The following CSMD3 variants were observed in gnomAD, a reference collection of about 807,000 sequenced individuals.
The protein encoded by CSMD3 is CUB and sushi domain-containing protein 3.
A neutral mutation model predicts 435.2 loss-of-function variants in CSMD3; 177 were observed. The observed-to-expected ratio is 0.41, with a 90% CI of 0.36 to 0.46. The LOEUF (loss-of-function observed/expected upper bound fraction) is 0.46. CSMD3 is among the 20% of genes least tolerant of loss of function. The pLI, the probability that CSMD3 is intolerant of heterozygous loss-of-function variation, is 0.34. For synonymous variants in CSMD3, 1,656 were observed against 1,520.5 expected, an observed-to-expected ratio of 1.09 and a Z score of -2.07; for missense variants, 4,265 against 4,504.6, an observed-to-expected ratio of 0.95 and a Z score of 1.52.
At chr8:112,411,310 A>G (rs893950977) in intron 32 of CSMD3, among the ~76,000 whole-genome samples, 1 of 151,876 alleles carries the variant, frequency 6.6e-6, no homozygotes, top group African/African-American at 2.4e-5. Context: ...AAGTGTTAAT[A>G]ATTTGTGCTT....
At chr8:112,342,713 C>T (rs891022686) in intron 41 of CSMD3, among the ~76,000 whole-genome samples, 2 of 151,794 alleles carry the variant, frequency 1.3e-5, no homozygotes, top group Non-Finnish European at 2.9e-5. Flanking sequence ...AAACGCGCAT[C>T]ATGTTACTAA....
intron 59 of CSMD3, among the ~76,000 whole-genome samples, chr8:112,273,646 A>G (rs1185469109): frequency 1.3e-5 from 2 of 151,354 alleles, no homozygotes; most frequent in Middle Eastern, 3.4e-3. Context: ...GAATGGCGTG[A>G]ACCCGGTAGG....
chr8:112,945,047 A>G (rs570655218), intron 9 of CSMD3, among the ~76,000 whole-genome samples: 1 of 151,812 alleles, frequency 6.6e-6, no homozygotes, highest in Admixed American at 6.6e-5. Flanking sequence ...TCTAAAATGT[A>G]CAACTTCAAA....
intron 1 of CSMD3, among the ~76,000 whole-genome samples, chr8:113,317,810 T>C (rs775826269): frequency 1.4e-4 from 21 of 152,236 alleles, no homozygotes; most frequent in Non-Finnish European, 2.5e-4. Flanking sequence ...ATTTTTCAAG[T>C]GATGTCAGTC....
intron 13 of CSMD3, among the ~76,000 whole-genome samples, chr8:112,705,648 C>CA (rs1039013008): frequency 2.0e-5 from 3 of 151,454 alleles, no homozygotes; most frequent in Non-Finnish European, 3.0e-5. Context: ...AAAAAAGATG[C>CA]AAGCCATAAT....
intron 1 of CSMD3, among the ~76,000 whole-genome samples, chr8:113,348,798 T>C (rs1170269414): frequency 6.6e-6 from 1 of 152,094 alleles, no homozygotes; most frequent in Non-Finnish European, 1.5e-5. Context: ...CCTCTTCTAT[T>C]TTAGGCTTAC....
intron 30 of CSMD3, among the ~76,000 whole-genome samples, chr8:112,499,025 T>C (rs1307516629): frequency 6.6e-6 from 1 of 152,124 alleles, no homozygotes; most frequent in East Asian, 1.9e-4. Context: ...ATAAAGGCTT[T>C]CCTCTTAAGA....
At chr8:112,974,699 T>C (rs567189140) in intron 7 of CSMD3, among the ~76,000 whole-genome samples, 5 of 151,948 alleles carry the variant, frequency 3.3e-5, no homozygotes, top group African/African-American at 1.2e-4. Flanking sequence ...ATGTGCCTCA[T>C]TAAAGAGAAT....
chr8:113,193,190 T>C (rs2092609725), intron 3 of CSMD3, among the ~76,000 whole-genome samples: 1 of 151,122 alleles, frequency 6.6e-6, no homozygotes, highest in South Asian at 2.1e-4. Flanking sequence ...CGTATTCGTA[T>C]TGTGCCTCTC....
intron 4 of CSMD3, among the ~76,000 whole-genome samples, chr8:113,170,623 G>A (rs1183510987): frequency 6.6e-6 from 1 of 152,108 alleles, no homozygotes; most frequent in Non-Finnish European, 1.5e-5. Context: ...TGCTATTAAA[G>A]CAATCATCAT....
At chr8:113,306,209 G>T (rs1034333820) in intron 2 of CSMD3, among the ~76,000 whole-genome samples, 15 of 151,982 alleles carry the variant, frequency 9.9e-5, no homozygotes, top group African/African-American at 3.6e-4. Flanking sequence ...AGCTATACAC[G>T]CAATCACTCT....
intron 11 of CSMD3, among the ~76,000 whole-genome samples, chr8:112,836,725 C>T (rs1363477869): frequency 1.3e-5 from 2 of 151,768 alleles, no homozygotes; most frequent in African/African-American, 4.8e-5. Flanking sequence ...GTGCGTGGGG[C>T]TTGCATGCTT....
chr8:112,956,203 C>T (rs1416750843), intron 7 of CSMD3, among the ~76,000 whole-genome samples: 3 of 151,986 alleles, frequency 2.0e-5, no homozygotes, highest in African/African-American at 7.2e-5. Flanking sequence ...TAGATGGCTT[C>T]TCTCTTTATA....
chr8:113,082,888 A>AGT (rs2089622263), intron 5 of CSMD3, among the ~76,000 whole-genome samples: 2 of 152,174 alleles, frequency 1.3e-5, no homozygotes, highest in African/African-American at 4.8e-5. Flanking sequence ...GTCTTTTGAA[A>AGT]TAACACACTC....
intron 10 of CSMD3, among the ~76,000 whole-genome samples, chr8:112,907,179 T>C (rs1281340926): frequency 2.6e-5 from 4 of 151,448 alleles, no homozygotes; most frequent in Admixed American, 6.6e-5. Flanking sequence ...AGGGTTTAGG[T>C]GGCACAGAAA....
rs1250819015 is a variant in CSMD3, at chr8:112,281,279, T to A, written c.9403A>T (p.Ser3135Cys). Residue 3135 changes from serine (S) to cysteine (C), a missense_variant, in exon 59 of 71, where the codon AGT becomes TGT. Ser to Cys is a moderately radical substitution (Grantham distance 112, BLOSUM62 -1). Coordinates refer to ENST00000297405, the MANE Select transcript of CSMD3 (RefSeq NM_198123.2). Reference sequence around the variant, plus strand: ...TCCATGCAGGAATAAATGACTGAACTAGAAAATGTTGTGCCATCAATTCGG... The same window carrying A: ...TCCATGCAGGAATAAATGACTGAACAAGAAAATGTTGTGCCATCAATTCGG... The part of the protein sequence containing the change: ...VFRIDGTTFS[S>C]SVIYSCMEGY... 2.5e-6 allele frequency: 4 copies of A among 1,613,432 alleles called. No homozygotes were observed. Among genetic ancestry groups the A allele is most frequent in the Non-Finnish European group, 3.4e-6 (4 of 1,179,520 alleles).
At chr8:112,555,281 T>A (rs961177796) in intron 25 of CSMD3, among the ~76,000 whole-genome samples, 1 of 151,970 alleles carries the variant, frequency 6.6e-6, no homozygotes, top group Non-Finnish European at 1.5e-5. Context: ...GAGAATATCT[T>A]CAGCTTGTTT....
At chr8:112,563,748 A>G (rs1237898381) in intron 24 of CSMD3, among the ~76,000 whole-genome samples, 1 of 152,084 alleles carries the variant, frequency 6.6e-6, no homozygotes, top group Non-Finnish European at 1.5e-5. Context: ...CCCAAAGTTT[A>G]TAAGTTTCAA....
At chr8:112,652,326 CA>C (rs2131641217) in intron 18 of CSMD3, among the ~76,000 whole-genome samples, 1 of 152,258 alleles carries the variant, frequency 6.6e-6, no homozygotes, top group East Asian at 1.9e-4. Context: ...CCCCTTCCTT[CA>C]GGTTTCAATT....
Sources: gnomAD v4.1 joint callset for allele counts (sites outside exome capture counted in the v4.1 genomes callset) on GRCh38, gnomAD v4.1.1 for gene constraint, MANE v1.5 for transcripts, NCBI Gene and HGNC (gene_info 2026-07-23, HGNC 2026-07-21) for gene names.